Variants in TEK observed in about 807,000 individuals in gnomAD.
TEK encodes the protein angiopoietin-1 receptor.
Under a neutral mutation model 131.8 loss-of-function variants are expected in TEK, and 43 were observed. The ratio of observed to expected loss-of-function variants is 0.33; its 90% CI spans 0.26 to 0.42. The LOEUF is 0.42. Ranked by LOEUF, TEK falls within the 10% of genes least tolerant of loss-of-function variation. The pLI is 1.00. For synonymous variants in TEK, 580 were observed against 491.6 expected (o/e 1.18, Z -2.38); for missense variants, 1,162 against 1,384.4 (o/e 0.84, Z 2.55).
intron 20 of TEK, 110 bp downstream of exon 20, chr9:27,218,927 C>A (rs1444692657): frequency 1.9e-6 from 2 of 1,076,812 alleles, no homozygotes; most frequent in Non-Finnish European, 2.9e-6. Flanking sequence ...TGTGGTTCTA[C>A]CAGATGTGAC....
At chr9:27,224,382 C>G (rs1826220491) in intron 21 of TEK, among the ~76,000 whole-genome samples, 1 of 149,770 alleles carries the variant, frequency 6.7e-6, no homozygotes, top group East Asian at 2.0e-4. Context: ...GAAACAGAAT[C>G]CAGCAGCACA....
intron 16 of TEK, chr9:27,210,611 G>C (rs935131029): frequency 6.5e-6 from 1 of 154,040 alleles, no homozygotes; most frequent in African/African-American, 2.4e-5. Flanking sequence ...GAAATGGCCA[G>C]TTGATCCAGT....
At chr9:27,200,539 C>A (rs1051725048) in intron 12 of TEK, among the ~76,000 whole-genome samples, 1 of 151,890 alleles carries the variant, frequency 6.6e-6, no homozygotes, top group Non-Finnish European at 1.5e-5. Context: ...TCAGGAAATC[C>A]GAGGAAGGAG....
At chr9:27,118,367 G>T (rs1351901107) in intron 1 of TEK, among the ~76,000 whole-genome samples, 2 of 152,100 alleles carry the variant, frequency 1.3e-5, no homozygotes, top group African/African-American at 4.8e-5. Context: ...AGGTGTGGTG[G>T]CTCGTGCTTG....
At chr9:27,120,185 C>T (rs1205642061) in intron 1 of TEK, among the ~76,000 whole-genome samples, 1 of 152,182 alleles carries the variant, frequency 6.6e-6, no homozygotes, top group Non-Finnish European at 1.5e-5. Context: ...CCTCACCAGC[C>T]TCTCGTGGTT....
intron 1 of TEK, among the ~76,000 whole-genome samples, chr9:27,153,847 T>C (rs904131132): frequency 6.6e-6 from 1 of 152,196 alleles, no homozygotes. Context: ...CAGAACTCTT[T>C]CAAGAAGCCA....
chr9:27,153,898 A>G (rs1190662813), intron 1 of TEK, among the ~76,000 whole-genome samples: 1 of 152,186 alleles, frequency 6.6e-6, no homozygotes, highest in African/African-American at 2.4e-5. Context: ...CCTCTGCTCT[A>G]TTCTTTCTGA....
At chr9:27,181,940 A>G (rs759079610) in intron 7 of TEK, among the ~76,000 whole-genome samples, 5 of 152,026 alleles carry the variant, frequency 3.3e-5, no homozygotes, top group Non-Finnish European at 5.9e-5. Context: ...AATCAGAACA[A>G]ATATTGGGAG....
At chr9:27,219,945 C>T in intron 20 of TEK, 104 bp from the exon 21 acceptor site, 1 of 1,186,462 alleles carries the variant, frequency 8.4e-7, no homozygotes, top group Non-Finnish European at 1.3e-6. Context: ...CCCTCTCTTG[C>T]CATACCATGT....
At chr9:27,137,748 T>C (rs542819065) in intron 1 of TEK, among the ~76,000 whole-genome samples, 1 of 152,222 alleles carries the variant, frequency 6.6e-6, no homozygotes, top group Non-Finnish European at 1.5e-5. Flanking sequence ...TTGTGAATTC[T>C]ACCCACACCT....
At chr9:27,134,325 T>A (rs1012419245) in intron 1 of TEK, among the ~76,000 whole-genome samples, 1 of 152,164 alleles carries the variant, frequency 6.6e-6, no homozygotes, top group African/African-American at 2.4e-5. Context: ...AACTCAAGGA[T>A]TTGTAGGAGT....
At chr9:27,174,957 T>A (rs12346625) in intron 6 of TEK, among the ~76,000 whole-genome samples, 67,708 of 150,876 alleles carry the variant, frequency 0.45, 15,411 homozygotes, top group Admixed American at 0.58. Context: ...TGGGCCCAGG[T>A]TTTTTTGTTT....
intron 21 of TEK, among the ~76,000 whole-genome samples, chr9:27,220,649 G>A (rs1347357101): frequency 6.6e-6 from 1 of 152,212 alleles, no homozygotes; most frequent in African/African-American, 2.4e-5. Context: ...TACAGCCCAT[G>A]GAGGGTGAGC....
At chr9:27,154,598 C>T (rs1644824085) in intron 1 of TEK, among the ~76,000 whole-genome samples, 1 of 152,194 alleles carries the variant, frequency 6.6e-6, no homozygotes. Context: ...ATTCTTTAGG[C>T]AGATACTAGC....
rs780823700 is a variant in TEK, at chr9:27,202,814, T to A, written c.1910-6T>A. The A allele has an allele frequency of 5.6e-6, 9 of 1,613,794 alleles. No individual in the cohort carries two copies. In the Admixed American group the frequency reaches 1.5e-4, roughly 27 times the overall value. On this transcript the variant is annotated splice_polypyrimidine_tract_variant and splice_region_variant and intron_variant, in intron 12 of 22. Transcript: ENST00000380036. ...TAAGTGAATCTTTTTTCTTTTTAAT[T>A]TCTAGTTCTTCCTCCTCAACCAGAA...
At chr9:27,144,544 A>G (rs1822845468) in intron 1 of TEK, among the ~76,000 whole-genome samples, 1 of 152,200 alleles carries the variant, frequency 6.6e-6, no homozygotes, top group Non-Finnish European at 1.5e-5. Context: ...AAACAGACAT[A>G]AAATCCAGTT....
At chr9:27,144,580 C>G (rs1393086768) in intron 1 of TEK, among the ~76,000 whole-genome samples, 1 of 152,142 alleles carries the variant, frequency 6.6e-6, no homozygotes, top group Admixed American at 6.5e-5. Flanking sequence ...AAATGTTTAT[C>G]TGTCGTTTGG....
intron 7 of TEK, among the ~76,000 whole-genome samples, chr9:27,182,350 A>G (rs895629704): frequency 6.6e-6 from 1 of 152,178 alleles, no homozygotes; most frequent in Non-Finnish European, 1.5e-5. Context: ...AAATGCTTTA[A>G]AAGTGTCAAA....
intron 14 of TEK, among the ~76,000 whole-genome samples, chr9:27,205,612 G>A (rs978227696): frequency 6.6e-6 from 1 of 151,938 alleles, no homozygotes; most frequent in Non-Finnish European, 1.5e-5. Context: ...CAGAGTTCCT[G>A]GCACTTGGTA....
Sources: allele counts gnomAD v4.1 joint callset (sites outside exome capture counted in the v4.1 genomes callset), GRCh38; gene constraint gnomAD v4.1.1; transcripts MANE v1.5; gene names NCBI Gene and HGNC (gene_info 2026-07-23, HGNC 2026-07-21).